ZNF560: variants seen among roughly 807,000 people sequenced by gnomAD.
ZNF560 encodes zinc finger protein 560.
In ZNF560, 54 loss-of-function variants were observed where a neutral mutation model predicts 81.8. The ratio of observed to expected loss-of-function variants is 0.66; its 90% CI spans 0.53 to 0.83. The LOEUF is 0.83. Ranked by LOEUF, ZNF560 falls within the 40% of genes least tolerant of loss-of-function variation. ZNF560 has a pLI of 0.00. For missense variants in ZNF560, 940 were observed against 932.4 expected (o/e 1.01, Z -0.11); for synonymous variants, 321 against 317.9 (o/e 1.01, Z -0.10).
chr19:9,497,764 C>T (rs1344130224), intron 2 of ZNF560, among the ~76,000 whole-genome samples: 1 of 152,102 alleles, frequency 6.6e-6, no homozygotes, highest in East Asian at 1.9e-4. Context: ...GTACAGTCAT[C>T]CTGTTAATGG....
chr19:9,447,577 A>G, the ZNF560 span, among the ~76,000 whole-genome samples: 78 of 152,256 alleles, frequency 5.1e-4, no homozygotes, highest in Non-Finnish European at 1.0e-3. Flanking sequence ...ATTTTAAAAT[A>G]AAATTGAAAG....
downstream of ZNF560, among the ~76,000 whole-genome samples, chr19:9,461,643 A>G (rs1455343737): frequency 1.3e-5 from 2 of 152,188 alleles, no homozygotes; most frequent in Non-Finnish European, 2.9e-5. Context: ...AATCAAATCA[A>G]TGATCTCCAA....
At chr19:9,483,687 C>T (rs1270244742) in intron 2 of ZNF560, among the ~76,000 whole-genome samples, 14 of 147,350 alleles carry the variant, frequency 9.5e-5, no homozygotes, top group African/African-American at 2.5e-4. Flanking sequence ...GGGGCGCCTC[C>T]GCCCGGCCGC....
upstream of ZNF560, chr19:9,498,645 GGCATTGGA>G (rs1364126890): frequency 6.6e-6 from 1 of 152,346 alleles, no homozygotes; most frequent in Admixed American, 6.5e-5. Context: ...TTCCGTTTGG[GGCATTGGA>G]AGGGGCGTGG....
chr19:9,471,243 G>C, intron 6 of ZNF560, 53 bp downstream of exon 6: 7 of 1,306,644 alleles, frequency 5.4e-6, no homozygotes, highest in Non-Finnish European at 7.5e-6. Flanking sequence ...TATATTGGAA[G>C]TCCCAATATT....
the ZNF560 span, among the ~76,000 whole-genome samples, chr19:9,505,404 C>T: frequency 6.6e-6 from 1 of 152,180 alleles, no homozygotes; most frequent in Non-Finnish European, 1.5e-5. Context: ...CTATCTGTTG[C>T]TTTTTATATA....
At chr19:9,464,872 A>C (rs1171645034), downstream of ZNF560, among the ~76,000 whole-genome samples, 1 of 152,188 alleles carries the variant, frequency 6.6e-6, no homozygotes, top group East Asian at 1.9e-4. Flanking sequence ...GTTTCAGAGA[A>C]GCAATCCTGA....
At chr19:9,490,940 G>T (rs939046045) in intron 2 of ZNF560, among the ~76,000 whole-genome samples, 1 of 152,098 alleles carries the variant, frequency 6.6e-6, no homozygotes, top group Non-Finnish European at 1.5e-5. Context: ...GTTTTCCACC[G>T]AAATAGTCTT....
chr19:9,479,890 A>T (rs761726837), intron 2 of ZNF560, among the ~76,000 whole-genome samples: 11 of 152,118 alleles, frequency 7.2e-5, no homozygotes, highest in African/African-American at 9.7e-5. Flanking sequence ...GGTTATAGGA[A>T]GGGGGGTTAT....
intron 2 of ZNF560, among the ~76,000 whole-genome samples, chr19:9,483,771 C>T (rs1371273481): frequency 6.6e-6 from 1 of 152,182 alleles, no homozygotes; most frequent in African/African-American, 2.4e-5. Flanking sequence ...CTCTGCCCGG[C>T]CGCCACCCCA....
chr19:9,501,795 C>T (rs2073635651), upstream of ZNF560, among the ~76,000 whole-genome samples: 1 of 152,118 alleles, frequency 6.6e-6, no homozygotes. Flanking sequence ...CCACCACTCC[C>T]AGCAAGAGAT....
chr19:9,465,904 G>A (rs893948161), downstream of ZNF560, among the ~76,000 whole-genome samples: 2 of 152,156 alleles, frequency 1.3e-5, no homozygotes, highest in African/African-American at 4.8e-5. Flanking sequence ...TGAGGCAGGA[G>A]AATCGCTTGA....
chr19:9,459,522 G>T, the ZNF560 span, among the ~76,000 whole-genome samples: 1 of 152,136 alleles, frequency 6.6e-6, no homozygotes. Flanking sequence ...GGCCATGGGG[G>T]CTACGAAGTA....
At chr19:9,494,147 A>T (rs2073518241) in intron 2 of ZNF560, among the ~76,000 whole-genome samples, 1 of 151,852 alleles carries the variant, frequency 6.6e-6, no homozygotes, top group African/African-American at 2.4e-5. Flanking sequence ...AAAAAAAAAA[A>T]AAGAAATTAA....
chr19:9,486,607 G>A (rs988245551), intron 2 of ZNF560, among the ~76,000 whole-genome samples: 1 of 152,034 alleles, frequency 6.6e-6, no homozygotes, highest in African/African-American at 2.4e-5. Context: ...AAGCGTGGTG[G>A]CAGGTGCCTG....
the ZNF560 span, among the ~76,000 whole-genome samples, chr19:9,446,365 T>TATACACAC: frequency 1.4e-5 from 2 of 145,256 alleles, no homozygotes; most frequent in African/African-American, 5.1e-5. Context: ...TGCCAAGTCA[T>TATACACAC]ACACACACAC....
chr19:9,466,806 C>A lies in ZNF560; in HGVS notation c.2141G>T (p.Cys714Phe), dbSNP rs775645027. The A allele has an allele frequency of 6.2e-7, 1 of 1,613,194 alleles. No individual in the cohort carries two copies. Among genetic ancestry groups the A allele is most frequent in the Non-Finnish European group, 8.5e-7 (1 of 1,179,746 alleles). ...KTLTKIKPYK[C>F]KDCGKAFTCH... ...AGTGAAGGCTTTCCCACAGTCCTTACATTTATAGGGTTTTATTTTGGTGAG... is the reference window on the plus strand; with the variant it reads ...AGTGAAGGCTTTCCCACAGTCCTTAAATTTATAGGGTTTTATTTTGGTGAG... Residue 714 changes from cysteine (C) to phenylalanine (F), a missense_variant, in exon 10 of 10, where the codon TGT becomes TTT. By Grantham distance (205) the Cys-to-Phe change is radical. Transcript: ENST00000301480.
intron 2 of ZNF560, among the ~76,000 whole-genome samples, chr19:9,481,881 C>T (rs537106192): frequency 5.3e-5 from 8 of 152,216 alleles, no homozygotes; most frequent in African/African-American, 1.9e-4. Context: ...CCTCAAGGAT[C>T]TAGAACTAGA....
intron 2 of ZNF560, among the ~76,000 whole-genome samples, chr19:9,497,772 T>C (rs533794337): frequency 6.6e-6 from 1 of 152,302 alleles, no homozygotes; most frequent in African/African-American, 2.4e-5. Flanking sequence ...ATCCTGTTAA[T>C]GGTAAATTCG....
Sources: gnomAD v4.1 joint callset for allele counts (sites outside exome capture counted in the v4.1 genomes callset) on GRCh38, gnomAD v4.1.1 for gene constraint, MANE v1.5 for transcripts, NCBI Gene and HGNC (gene_info 2026-07-23, HGNC 2026-07-21) for gene names.